Variants in RPRD2 observed in about 807,000 individuals in gnomAD.
RPRD2 encodes regulation of nuclear pre-mRNA domain-containing protein 2.
A neutral mutation model predicts 104.4 loss-of-function variants in RPRD2; 12 were observed. That is an observed-to-expected ratio of 0.11 (90% CI 0.07 to 0.19). The LOEUF (loss-of-function observed/expected upper bound fraction) is 0.19. Among genes scored for constraint, RPRD2 ranks in the 10% least tolerant of loss-of-function variants. The pLI, the probability that RPRD2 is intolerant of heterozygous loss-of-function variation, is 1.00. For missense variants in RPRD2, 1,543 were observed against 1,790.1 expected, an observed-to-expected ratio of 0.86 and a Z score of 2.49; for synonymous variants, 714 against 684.9, an observed-to-expected ratio of 1.04 and a Z score of -0.66.
intron 2 of RPRD2, among the ~76,000 whole-genome samples, chr1:150,425,792 T>A (rs1298362156): frequency 2.0e-5 from 3 of 152,040 alleles, no homozygotes; most frequent in Non-Finnish European, 4.4e-5. Context: ...ATAAATCTAC[T>A]TGGAGATAGG....
chr1:150,400,467 A>C (rs1321212205), intron 1 of RPRD2, among the ~76,000 whole-genome samples: 2 of 152,186 alleles, frequency 1.3e-5, no homozygotes, highest in Non-Finnish European at 2.9e-5. Context: ...TCCACCTCAG[A>C]TCATCAGGCG....
At chr1:150,407,428 A>G (rs1244407327) in intron 1 of RPRD2, among the ~76,000 whole-genome samples, 1 of 152,222 alleles carries the variant, frequency 6.6e-6, no homozygotes, top group African/African-American at 2.4e-5. Context: ...TTTAGATCCA[A>G]AAGGGGCCTT....
chr1:150,458,456 A>G (rs1667696639), intron 8 of RPRD2, among the ~76,000 whole-genome samples: 1 of 149,758 alleles, frequency 6.7e-6, no homozygotes, highest in East Asian at 2.0e-4. Flanking sequence ...CCTCTCTCCA[A>G]AAAAAAAAAA....
In RPRD2 at chr1:150,471,507, A is replaced by G. The variant is rs761140343; in HGVS notation, c.2559A>G (p.Pro853=). The stretch of plus-strand genomic sequence containing the variant: ...CCATGATGAACCTAGAGAAGAAACC[A>G]GCCAAATCTATCCTGAAATCAAGCA... ...PSAMMNLEKK[P]AKSILKSSKL... Residue 853 remains proline (P), a synonymous_variant, in exon 11 of 11, where the codon CCA becomes CCG. Coordinates refer to ENST00000369068, the MANE Select transcript of RPRD2 (RefSeq NM_015203.5). This position sits in a 1 kb window ranked among gnomAD's most constrained non-coding sequence, Gnocchi z 5.3. The G allele has an allele frequency of 1.2e-6, 2 of 1,613,884 alleles. No individual in the cohort carries two copies. Among genetic ancestry groups the G allele is most frequent in the Non-Finnish European group, 1.7e-6 (2 of 1,179,872 alleles).
rs1553897783 is a variant in RPRD2, at chr1:150,457,366, G to A, written c.949G>A (p.Glu317Lys). The A allele has an allele frequency of 1.2e-6, 2 of 1,611,696 alleles. No homozygotes were observed. The highest frequency in any genetic ancestry group is 1.7e-6 in the Non-Finnish European group (2 of 1,177,810). The stretch of plus-strand genomic sequence containing the variant: ...ATTGAAGTCAACCCTTCCAGATCCT[G>A]AAGAATCACCAGTTCCTTCCCCAAG... The part of the protein sequence containing the change: ...DQLKSTLPDP[E>K]ESPVPSPSMD... Residue 317 changes from glutamate (E) to lysine (K), a missense_variant, in exon 8 of 11, where the codon GAA becomes AAA. Transcript: ENST00000369068.
At chr1:150,377,240 T>A (rs587637316) in intron 1 of RPRD2, among the ~76,000 whole-genome samples, 1 of 151,688 alleles carries the variant, frequency 6.6e-6, no homozygotes, top group South Asian at 2.1e-4. Context: ...AAGGAAATAT[T>A]GAGTACTTCC....
At chr1:150,428,858 A>G (rs908672952) in intron 2 of RPRD2, among the ~76,000 whole-genome samples, 3 of 152,110 alleles carry the variant, frequency 2.0e-5, no homozygotes, top group African/African-American at 7.2e-5. Flanking sequence ...CTTTAAAATA[A>G]TTTGCTAGTA....
intron 2 of RPRD2, among the ~76,000 whole-genome samples, chr1:150,421,578 A>G (rs1025894688): frequency 6.6e-6 from 1 of 152,206 alleles, no homozygotes; most frequent in Non-Finnish European, 1.5e-5. Flanking sequence ...TCTTAAAACA[A>G]TAATGGAAGC....
At chr1:150,466,098 G>A (rs756425913) in intron 10 of RPRD2, among the ~76,000 whole-genome samples, 2 of 151,112 alleles carry the variant, frequency 1.3e-5, no homozygotes, top group Admixed American at 6.6e-5. Flanking sequence ...AAAAATTAGC[G>A]CCGGGCGCGG....
intron 1 of RPRD2, among the ~76,000 whole-genome samples, chr1:150,407,880 G>T (rs1409994857): frequency 1.3e-5 from 2 of 152,026 alleles, no homozygotes; most frequent in African/African-American, 4.8e-5. Flanking sequence ...TGTTATGGAC[G>T]ATCTAATCTA....
Position 150,457,482 on chromosome 1 carries a change from A to G in RPRD2, c.1065A>G (p.Lys355=). The G allele has an allele frequency of 6.2e-7, 1 of 1,613,884 alleles. No individual in the cohort carries two copies. The highest frequency in any genetic ancestry group is 8.5e-7 in the Non-Finnish European group (1 of 1,179,818). ...ESQSPTMESE[K]SATPEPVTDN... Reference sequence around the variant, plus strand: ...AGTCACCAACCATGGAGAGTGAGAAATCTGCCACACCTGAACCTGTGACAG... The same window carrying G: ...AGTCACCAACCATGGAGAGTGAGAAGTCTGCCACACCTGAACCTGTGACAG... Residue 355 remains lysine, a synonymous_variant, in exon 8 of 11, where the codon AAA becomes AAG. Coordinates refer to ENST00000369068, the MANE Select transcript of RPRD2 (RefSeq NM_015203.5).
intron 1 of RPRD2, among the ~76,000 whole-genome samples, chr1:150,403,496 G>T (rs781903203): frequency 6.6e-6 from 1 of 152,076 alleles, no homozygotes; most frequent in Non-Finnish European, 1.5e-5. Context: ...GATACGTCAT[G>T]GTAATGGAAT....
chr1:150,442,656 A>G (rs1482638746), intron 4 of RPRD2, among the ~76,000 whole-genome samples: 3 of 152,204 alleles, frequency 2.0e-5, no homozygotes, highest in Non-Finnish European at 4.4e-5. Context: ...TGATTAAGGG[A>G]GTCCTCAGAC....
chr1:150,444,111 G>GT (rs777703570), intron 5 of RPRD2, 140 bp from the exon 6 acceptor site: 119 of 778,580 alleles, frequency 1.5e-4, no homozygotes, highest in Non-Finnish European at 2.1e-4. Flanking sequence ...AAAGTGAAAA[G>GT]TTTTTTTCCT....
chr1:150,416,895 A>AAAG (rs1340690929), intron 1 of RPRD2, among the ~76,000 whole-genome samples: 4 of 148,864 alleles, frequency 2.7e-5, no homozygotes, highest in South Asian at 2.2e-4. Context: ...AAAAAAACAA[A>AAAG]AAGAAGAAGA....
intron 2 of RPRD2, among the ~76,000 whole-genome samples, chr1:150,436,297 T>C (rs1305749684): frequency 2.0e-5 from 3 of 152,208 alleles, no homozygotes; most frequent in Admixed American, 2.0e-4. Flanking sequence ...CTTTCAATTC[T>C]TGTTGTTTAA....
At chr1:150,423,498 AGTT>A (rs1324148027) in intron 2 of RPRD2, among the ~76,000 whole-genome samples, 1 of 152,152 alleles carries the variant, frequency 6.6e-6, no homozygotes, top group Non-Finnish European at 1.5e-5. Context: ...AATTTATGCT[AGTT>A]GTTATATAAG....
At chr1:150,411,150 G>A (rs1663863045) in intron 1 of RPRD2, among the ~76,000 whole-genome samples, 1 of 152,104 alleles carries the variant, frequency 6.6e-6, no homozygotes, top group African/African-American at 2.4e-5. Context: ...CTGGCATATA[G>A]AAAGTATTAA....
chr1:150,365,751 G>C (rs587713328), intron 1 of RPRD2, among the ~76,000 whole-genome samples: 6 of 152,030 alleles, frequency 3.9e-5, no homozygotes, highest in African/African-American at 1.4e-4. Context: ...CACCATGTCC[G>C]GCTAATTATT....
Sources: gnomAD v4.1 joint callset for allele counts (sites outside exome capture counted in the v4.1 genomes callset) on GRCh38, gnomAD v4.1.1 for gene constraint, Gnocchi (gnomAD v3.1) non-coding constraint, MANE v1.5 for transcripts, NCBI Gene and HGNC (gene_info 2026-07-23, HGNC 2026-07-21) for gene names.